HSD11B1: variants seen among roughly 807,000 people sequenced by gnomAD.
HSD11B1 encodes 11-beta-hydroxysteroid dehydrogenase 1.
A neutral mutation model predicts 22.1 loss-of-function variants in HSD11B1; 15 were observed. The ratio of observed to expected loss-of-function variants is 0.68; its 90% CI spans 0.45 to 1.04. The LOEUF is 1.04. HSD11B1 is among the 50% of genes least tolerant of loss of function. The pLI is 0.00. For missense variants in HSD11B1, 281 were observed against 357.6 expected, an observed-to-expected ratio of 0.79 and a Z score of 1.73; for synonymous variants, 122 against 125.2, an observed-to-expected ratio of 0.97 and a Z score of 0.17.
chr1:209,729,717 T>C (rs1296182105), intron 4 of HSD11B1, among the ~76,000 whole-genome samples: 2 of 152,130 alleles, frequency 1.3e-5, no homozygotes, highest in African/African-American at 2.4e-5. Context: ...TGAACACAGA[T>C]GCAAAAATCC....
chr1:209,706,314 T>C lies in HSD11B1; in HGVS notation c.219+373T>C, dbSNP rs190187963. ...TTATGAATACATATCCTCATACCCA[T>C]GCAGACTCCCAGACACATGCCCTCT... On this transcript the variant is annotated intron_variant, in intron 2 of 5. Coordinates refer to ENST00000367027, the MANE Select transcript of HSD11B1 (RefSeq NM_005525.4). The surrounding 1 kb of genome is among the most constrained non-coding windows in gnomAD (Gnocchi z 4.0). Among the ~76,000 whole-genome samples the C allele has an allele frequency of 4.4e-4, 67 of 152,278 alleles. 1 individual carries two copies. The highest frequency in any genetic ancestry group is 1.5e-3 in the African/African-American group (64 of 41,560).
intron 5 of HSD11B1, among the ~76,000 whole-genome samples, chr1:209,733,752 G>T (rs1469421543): frequency 6.6e-6 from 1 of 152,130 alleles, no homozygotes; most frequent in Non-Finnish European, 1.5e-5. Context: ...GAGAGACCGA[G>T]ACCCAGGGGG....
At chr1:209,696,433 G>C (rs1296990421) in intron 1 of HSD11B1, among the ~76,000 whole-genome samples, 1 of 152,186 alleles carries the variant, frequency 6.6e-6, no homozygotes, top group Non-Finnish European at 1.5e-5. Flanking sequence ...GCCCTCAGAA[G>C]GAGAGGGTTT....
upstream of HSD11B1, chr1:209,704,830 C>T: frequency 2.5e-6 from 2 of 798,128 alleles, no homozygotes; most frequent in Non-Finnish European, 4.4e-6. Context: ...CTCCAGCCTC[C>T]CCCGTCCCTG....
intron 4 of HSD11B1, among the ~76,000 whole-genome samples, chr1:209,726,537 C>T (rs1005903997): frequency 1.3e-5 from 2 of 152,162 alleles, no homozygotes; most frequent in Admixed American, 6.5e-5. Context: ...GATCTCAACA[C>T]TGTGCTTTAG....
At position 209,732,526 on chromosome 1, in the gene HSD11B1, T is replaced by C. The variant is rs749071532; in HGVS notation, c.608T>C (p.Val203Ala). 96 of 1,613,840 alleles carry C rather than the reference T, an allele frequency of 5.9e-5. No individual in the cohort carries two copies. The highest frequency in any genetic ancestry group is 8.0e-5 in the Non-Finnish European group (94 of 1,179,834). Residue 203 changes from valine (V) to alanine (A), a missense_variant, in exon 5 of 6, where the codon GTG (valine) becomes GCG (alanine). Physicochemically the swap from Val to Ala is moderately conservative, Grantham distance 64. Coordinates refer to ENST00000367027, the MANE Select transcript of HSD11B1 (RefSeq NM_005525.4). Reference sequence around the variant, plus strand: ...TCCTCCATCAGAAAGGAATATTCAGTGTCCAGGGTCAATGTATCAATCACT... The same window carrying C: ...TCCTCCATCAGAAAGGAATATTCAGCGTCCAGGGTCAATGTATCAATCACT... ...FFSSIRKEYS[V>A]SRVNVSITLC...
At chr1:209,727,582 T>C (rs2077011449) in intron 4 of HSD11B1, among the ~76,000 whole-genome samples, 2 of 152,188 alleles carry the variant, frequency 1.3e-5, no homozygotes, top group African/African-American at 4.8e-5. Flanking sequence ...AAAACACTCA[T>C]ATAAAGAACA....
chr1:209,701,117 A>G (rs949901717), upstream of HSD11B1, among the ~76,000 whole-genome samples: 1 of 152,164 alleles, frequency 6.6e-6, no homozygotes, highest in South Asian at 2.1e-4. Context: ...ATTTTCAGGT[A>G]TCTTTTCAGC....
Position 209,728,621 on chromosome 1 carries a change from A to G in HSD11B1, c.518-3815A>G, listed in dbSNP as rs115383860. 8.4e-3 allele frequency among the ~76,000 whole-genome samples: 1,280 copies of G among 152,328 alleles called. 12 individuals carry two copies. The highest frequency in any genetic ancestry group is 0.028 in the African/African-American group (1,164 of 41,568). On this transcript the variant is annotated intron_variant, in intron 4 of 5. Transcript: ENST00000367027. ...ATAACTGGAAGTCCAGATGTAGGGCAGGCTTCACAGTTGACTTGGCTGAAG... is the reference window on the plus strand; with the variant it reads ...ATAACTGGAAGTCCAGATGTAGGGCGGGCTTCACAGTTGACTTGGCTGAAG...
At chr1:209,715,121 T>C (rs895180257) in intron 4 of HSD11B1, among the ~76,000 whole-genome samples, 4 of 152,146 alleles carry the variant, frequency 2.6e-5, no homozygotes, top group African/African-American at 9.7e-5. Context: ...AATGATCACA[T>C]ACAGGAGCAT....
At chr1:209,690,401 A>C (rs2076752482) in intron 1 of HSD11B1, among the ~76,000 whole-genome samples, 1 of 152,160 alleles carries the variant, frequency 6.6e-6, no homozygotes, top group Non-Finnish European at 1.5e-5. Context: ...GGACATTTAA[A>C]AATTAAAATG....
chr1:209,692,050 T>C (rs189331335), intron 1 of HSD11B1, among the ~76,000 whole-genome samples: 8 of 151,176 alleles, frequency 5.3e-5, no homozygotes, highest in East Asian at 1.9e-4. Context: ...TGTATTATAT[T>C]AATAAATGTA....
chr1:209,696,665 G>A lies in HSD11B1; in HGVS notation c.-48-8230G>A, dbSNP rs528246509. ...ATAAGCCTATAAAGAAAACTGAGAA[G>A]CAGTGAGAGAAACAGAAAGAAAAGC... On this transcript the variant is annotated intron_variant, in intron 1 of 6. Coordinates refer to the HSD11B1 transcript ENST00000261465. 9.8e-5 allele frequency among the ~76,000 whole-genome samples: 15 copies of A among 152,312 alleles called. No individual in the cohort carries two copies. In the South Asian group the frequency reaches 3.1e-3, roughly 32 times the overall value.
intron 1 of HSD11B1, among the ~76,000 whole-genome samples, chr1:209,696,145 G>A (rs2076790032): frequency 6.6e-6 from 1 of 152,222 alleles, no homozygotes; most frequent in African/African-American, 2.4e-5. Context: ...AATGTCCAGG[G>A]CAGGCAAGTC....
At position 209,732,556 on chromosome 1, in the gene HSD11B1, G is replaced by C; in HGVS notation, c.638G>C (p.Cys213Ser). 1 of 1,613,800 alleles carries C rather than the reference G, an allele frequency of 6.2e-7. No individual in the cohort carries two copies. The highest frequency in any genetic ancestry group is 1.7e-4 in the Middle Eastern group (1 of 6,060). The change falls in exon 5 of 6, where the codon TGT (cysteine) becomes TCT (serine). Residue 213 changes from cysteine to serine, a missense_variant. Coordinates refer to ENST00000367027, the MANE Select transcript of HSD11B1 (RefSeq NM_005525.4). ...VSRVNVSITLCVLGLIDTETA... is the reference protein window; with the variant it reads ...VSRVNVSITLSVLGLIDTETA... Reference sequence around the variant, plus strand: ...AGGGTCAATGTATCAATCACTCTCTGTGTTCTTGGCCTCATAGACACAGGT... The same window carrying C: ...AGGGTCAATGTATCAATCACTCTCTCTGTTCTTGGCCTCATAGACACAGGT...
At chr1:209,702,133 C>T (rs1344537433), upstream of HSD11B1, among the ~76,000 whole-genome samples, 1 of 152,202 alleles carries the variant, frequency 6.6e-6, no homozygotes, top group Non-Finnish European at 1.5e-5. Context: ...GAAACAAATG[C>T]TAGCTGAAAC....
In HSD11B1 at chr1:209,734,333, G is replaced by T. The variant is rs2077054112; in HGVS notation, c.691G>T (p.Val231Phe). Residue 231 changes from valine to phenylalanine, a missense_variant, in exon 6 of 6, where the codon GTC becomes TTC. Coordinates refer to ENST00000367027, the MANE Select transcript of HSD11B1 (RefSeq NM_005525.4). ...ETAMKAVSGI[V>F]HMQAAPKEEC... The stretch of plus-strand genomic sequence containing the variant: ...AGCCATGAAGGCAGTTTCTGGGATA[G>T]TCCATATGCAAGCAGCTCCAAAGGA... 6.2e-7 allele frequency: 1 copy of T among 1,614,042 alleles called. No individual in the cohort carries two copies. Among genetic ancestry groups the T allele is most frequent in the Non-Finnish European group, 8.5e-7 (1 of 1,179,980 alleles).
In HSD11B1 at chr1:209,706,057, C is replaced by T. The variant is rs2102370755; in HGVS notation, c.219+116C>T. On this transcript the variant is annotated intron_variant, in intron 2 of 5. Coordinates refer to ENST00000367027, the MANE Select transcript of HSD11B1 (RefSeq NM_005525.4). The surrounding 1 kb of genome is among the most constrained non-coding windows in gnomAD (Gnocchi z 4.0). The stretch of plus-strand genomic sequence containing the variant: ...GCAGATCTATATACAGAGGCACATG[C>T]ACACACACAGACACTTAATTTTGCA... 7.5e-7 allele frequency: 1 copy of T among 1,338,394 alleles called. No homozygotes were observed. Among genetic ancestry groups the T allele is most frequent in the South Asian group, 1.2e-5 (1 of 83,264 alleles). 82.9% of individuals were successfully genotyped at this position (1,338,394 alleles called of 1,614,324 possible). A position where few individuals can be genotyped will look rare whatever the true frequency, so the allele number is the denominator to read the frequency against.
chr1:209,714,491 T>C (rs1369553956), intron 4 of HSD11B1, among the ~76,000 whole-genome samples: 2 of 152,204 alleles, frequency 1.3e-5, no homozygotes, highest in Non-Finnish European at 2.9e-5. Context: ...GAACAAATGA[T>C]AAAATAGCTT....
Sources: gnomAD v4.1 joint callset for allele counts (sites outside exome capture counted in the v4.1 genomes callset) on GRCh38, gnomAD v4.1.1 for gene constraint, Gnocchi (gnomAD v3.1) non-coding constraint, MANE v1.5 for transcripts, NCBI Gene and HGNC (gene_info 2026-07-23, HGNC 2026-07-21) for gene names.